The following CHST8 variants were observed in gnomAD, a reference collection of about 807,000 sequenced individuals.
The protein encoded by CHST8 is GALNAC-4-ST1.
In CHST8, 10 loss-of-function variants were observed where a neutral mutation model predicts 15.0. That is an observed-to-expected ratio of 0.67 (90% CI 0.41 to 1.13). The LOEUF is 1.13. CHST8 is among the 50% of genes most tolerant of loss of function. The pLI is 0.00. For synonymous variants in CHST8, 259 were observed against 256.6 expected (o/e 1.01, Z -0.09); for missense variants, 634 against 608.2 (o/e 1.04, Z -0.45).
chr19:33,739,593 T>A (rs1001326563), intron 3 of CHST8, among the ~76,000 whole-genome samples: 1 of 152,242 alleles, frequency 6.6e-6, no homozygotes, highest in Non-Finnish European at 1.5e-5. Flanking sequence ...GTGGTTGATA[T>A]CTCACTGATA....
intron 1 of CHST8, among the ~76,000 whole-genome samples, chr19:33,644,989 T>C (rs955612850): frequency 6.6e-6 from 1 of 152,102 alleles, no homozygotes; most frequent in South Asian, 2.1e-4. Flanking sequence ...TGGAGACATT[T>C]TTGATGGTCA....
chr19:33,692,563 G>A (rs1973116821), intron 3 of CHST8, among the ~76,000 whole-genome samples: 1 of 152,188 alleles, frequency 6.6e-6, no homozygotes, highest in Non-Finnish European at 1.5e-5. Context: ...TTAGCTGAGT[G>A]TAGCGGTACA....
At chr19:33,741,984 A>G (rs1459645512) in intron 3 of CHST8, among the ~76,000 whole-genome samples, 1 of 152,030 alleles carries the variant, frequency 6.6e-6, no homozygotes, top group Non-Finnish European at 1.5e-5. Context: ...ATTACCTGGT[A>G]CCCTATGTGC....
At chr19:33,747,681 T>C (rs1309653582) in intron 3 of CHST8, among the ~76,000 whole-genome samples, 1 of 152,094 alleles carries the variant, frequency 6.6e-6, no homozygotes, top group Non-Finnish European at 1.5e-5. Flanking sequence ...AGAGGGAGCG[T>C]CAATGATATT....
intron 1 of CHST8, among the ~76,000 whole-genome samples, chr19:33,629,222 C>T (rs989728983): frequency 4.6e-5 from 7 of 152,188 alleles, no homozygotes; most frequent in Non-Finnish European, 8.8e-5. Context: ...CACTTCCCTC[C>T]GGAGCTGAGT....
intron 3 of CHST8, among the ~76,000 whole-genome samples, chr19:33,746,113 TTTGG>T (rs1290747493): frequency 6.6e-6 from 1 of 152,252 alleles, no homozygotes; most frequent in Admixed American, 6.5e-5. Flanking sequence ...AGTGTTGCCA[TTTGG>T]TGTTACTGAG....
chr19:33,755,530 A>T (rs114282611), intron 3 of CHST8, among the ~76,000 whole-genome samples: 3,335 of 152,360 alleles, frequency 0.022, 104 homozygotes, highest in African/African-American at 0.075. Flanking sequence ...GGCCCTCCAC[A>T]CACCTACCTG....
chr19:33,710,779 C>A (rs769147055), intron 3 of CHST8, among the ~76,000 whole-genome samples: 91 of 152,124 alleles, frequency 6.0e-4, no homozygotes, highest in Non-Finnish European at 9.7e-4. Context: ...TGAAAGCAGC[C>A]CCAGGCTACA....
At chr19:33,690,358 G>A (rs750395480) in intron 3 of CHST8, among the ~76,000 whole-genome samples, 24 of 152,108 alleles carry the variant, frequency 1.6e-4, no homozygotes, top group Non-Finnish European at 8.8e-5. Flanking sequence ...GGGTTGCTGC[G>A]TAAATCCCTG....
intron 3 of CHST8, among the ~76,000 whole-genome samples, chr19:33,769,977 T>C (rs1974939147): frequency 1.3e-5 from 2 of 152,148 alleles, no homozygotes; most frequent in South Asian, 4.1e-4. Context: ...TGAGGAAGGT[T>C]CGGGCAAGCT....
At chr19:33,748,700 G>A (rs920690708) in intron 3 of CHST8, among the ~76,000 whole-genome samples, 5 of 152,184 alleles carry the variant, frequency 3.3e-5, no homozygotes, top group African/African-American at 1.2e-4. Context: ...TGGACAGTAA[G>A]CCCTGATTTC....
In CHST8 at chr19:33,689,334, C is replaced by T. The variant is rs1568328772; in HGVS notation, c.73C>T (p.Leu25Phe). ...CATCCTGCTGTTCGGAGCTGCAGGC[C>T]TCCTCCTCTTCATCAGCCTGCAGGA... Reference protein sequence around the residue: ...SSILLFGAAGLLLFISLQDPT... With the variant: ...SSILLFGAAGFLLFISLQDPT... The change falls in exon 3 of 5, where the codon CTC (leucine) becomes TTC (phenylalanine). Residue 25 changes from leucine to phenylalanine, a missense_variant. Transcript: ENST00000650847. 1 of 1,609,610 alleles carries T rather than the reference C, an allele frequency of 6.2e-7. No homozygotes were observed. Among genetic ancestry groups the T allele is most frequent in the African/African-American group, 1.3e-5 (1 of 74,798 alleles).
intron 3 of CHST8, among the ~76,000 whole-genome samples, chr19:33,748,043 G>A (rs2145351472): frequency 6.6e-6 from 1 of 152,262 alleles, no homozygotes; most frequent in Non-Finnish European, 1.5e-5. Context: ...AGGTGGATGA[G>A]GGGCTGTCCA....
intron 3 of CHST8, among the ~76,000 whole-genome samples, chr19:33,697,264 C>G (rs981280288): frequency 1.5e-4 from 23 of 152,262 alleles, no homozygotes; most frequent in African/African-American, 5.3e-4. Flanking sequence ...GAGTCTCACT[C>G]TGTCACCCAG....
At chr19:33,643,137 C>T (rs1972305289) in intron 1 of CHST8, among the ~76,000 whole-genome samples, 1 of 152,190 alleles carries the variant, frequency 6.6e-6, no homozygotes, top group Non-Finnish European at 1.5e-5. Flanking sequence ...GTATGCCCGT[C>T]TTTAAAACTT....
chr19:33,647,662 A>G (rs1046361329), intron 1 of CHST8, among the ~76,000 whole-genome samples: 2 of 152,090 alleles, frequency 1.3e-5, no homozygotes, highest in African/African-American at 4.8e-5. Flanking sequence ...CCTGGCCAAC[A>G]TGATGAAACC....
intron 2 of CHST8, among the ~76,000 whole-genome samples, chr19:33,683,965 C>A (rs975468837): frequency 2.6e-5 from 4 of 152,184 alleles, no homozygotes; most frequent in Admixed American, 1.3e-4. Context: ...CCTGCCCTGC[C>A]CCACTGGCAT....
chr19:33,714,584 T>C (rs1320146553), intron 3 of CHST8, among the ~76,000 whole-genome samples: 2 of 152,174 alleles, frequency 1.3e-5, no homozygotes, highest in African/African-American at 4.8e-5. Flanking sequence ...AAGCCTGGAC[T>C]TCACCACTAA....
At position 33,760,658 on chromosome 19, in the gene CHST8, CT is replaced by C. The variant is rs776964116; in HGVS notation, c.131-10753del. On this transcript the variant is annotated intron_variant, in intron 3 of 4. Transcript: ENST00000650847. ...CACTCTTCAGTCTCTGGACCCATCT[CT>C]TCATCCCAGGAGCCTTGCTTTCATG... Among the ~76,000 whole-genome samples the C allele has an allele frequency of 7.2e-5, 11 of 152,160 alleles. No individual in the cohort carries two copies. In the East Asian group the frequency reaches 7.7e-4, roughly 11 times the overall value.
Sources: gnomAD v4.1 joint callset for allele counts (sites outside exome capture counted in the v4.1 genomes callset) on GRCh38, gnomAD v4.1.1 for gene constraint, MANE v1.5 for transcripts, NCBI Gene and HGNC (gene_info 2026-07-23, HGNC 2026-07-21) for gene names.